The following FBXL20 variants were observed in gnomAD, a reference collection of about 807,000 sequenced individuals.
FBXL20 encodes the protein F-box/LRR-repeat protein 20.
Under a neutral mutation model 64.0 loss-of-function variants are expected in FBXL20, and 11 were observed. The ratio of observed to expected loss-of-function variants is 0.17; its 90% CI spans 0.11 to 0.28. The LOEUF (loss-of-function observed/expected upper bound fraction) is 0.28, where lower values mean the gene tolerates loss of function less well. Ranked by LOEUF, FBXL20 falls within the 10% of genes least tolerant of loss-of-function variation. The pLI, the probability that FBXL20 is intolerant of heterozygous loss-of-function variation, is 1.00. For missense variants in FBXL20, 303 were observed against 526.2 expected, an observed-to-expected ratio of 0.58 and a Z score of 4.15; for synonymous variants, 184 against 189.0, an observed-to-expected ratio of 0.97 and a Z score of 0.22.
chr17:39,305,085 T>G (rs958528000), intron 2 of FBXL20, among the ~76,000 whole-genome samples: 1 of 151,998 alleles, frequency 6.6e-6, no homozygotes, highest in Non-Finnish European at 1.5e-5. Flanking sequence ...TAATGAAGTA[T>G]TTTACAGTTA....
intron 2 of FBXL20, among the ~76,000 whole-genome samples, chr17:39,317,701 G>GT (rs1238194174): frequency 0.13 from 5,849 of 44,244 alleles, 597 homozygotes; most frequent in Non-Finnish European, 0.19. Context: ...TTTTTTTTTT[G>GT]TTTTTTTTTT....
chr17:39,369,126 A>G (rs1177572163), intron 1 of FBXL20, among the ~76,000 whole-genome samples: 1 of 152,208 alleles, frequency 6.6e-6, no homozygotes, highest in Non-Finnish European at 1.5e-5. Flanking sequence ...TGTTTAACCA[A>G]AAGTACTATG....
At chr17:39,385,094 T>A (rs80151692) in intron 1 of FBXL20, among the ~76,000 whole-genome samples, 107 of 152,338 alleles carry the variant, frequency 7.0e-4, no homozygotes, top group African/African-American at 2.5e-3. Flanking sequence ...TGGTGGTGCA[T>A]GCCTGTAGTC....
In FBXL20 at chr17:39,295,640, C is replaced by T. The variant is rs148951959; in HGVS notation, c.398+1487G>A. Among the ~76,000 whole-genome samples the T allele has an allele frequency of 9.3e-3, 1,412 of 152,126 alleles. 29 individuals carry two copies. Among genetic ancestry groups the T allele is most frequent in the African/African-American group, 0.032 (1,335 of 41,488 alleles). On this transcript the variant is annotated intron_variant, in intron 6 of 14. Coordinates refer to ENST00000264658, the MANE Select transcript of FBXL20 (RefSeq NM_032875.3). Reference sequence around the variant, plus strand: ...TGAATTATGTAAAATATTTACATGGCTATTAAACGATAAAACATAATTCAG... The same window carrying T: ...TGAATTATGTAAAATATTTACATGGTTATTAAACGATAAAACATAATTCAG...
chr17:39,328,757 A>C (rs2047433365), intron 2 of FBXL20, among the ~76,000 whole-genome samples: 1 of 152,182 alleles, frequency 6.6e-6, no homozygotes, highest in African/African-American at 2.4e-5. Context: ...GAAACAAGAT[A>C]TTTACAATGT....
At chr17:39,273,734 C>T (rs761600579) in intron 10 of FBXL20, among the ~76,000 whole-genome samples, 13 of 150,956 alleles carry the variant, frequency 8.6e-5, no homozygotes, top group African/African-American at 1.2e-4. Context: ...GCAGGTTAAT[C>T]GCTTGAACCC....
chr17:39,351,901 A>T (rs968016864), intron 1 of FBXL20, among the ~76,000 whole-genome samples: 6 of 152,240 alleles, frequency 3.9e-5, no homozygotes, highest in African/African-American at 1.4e-4. Flanking sequence ...TATATACAAT[A>T]ATATACTGTT....
intron 1 of FBXL20, among the ~76,000 whole-genome samples, chr17:39,389,104 C>CAAAA (rs752930971): frequency 3.7e-3 from 196 of 52,594 alleles, no homozygotes; most frequent in African/African-American, 4.5e-3. Context: ...AACTCCATCT[C>CAAAA]AAAAAAAAAA....
At chr17:39,389,104 CAAAAAAAAAAAAAA>C (rs752930971) in intron 1 of FBXL20, among the ~76,000 whole-genome samples, 5 of 52,708 alleles carry the variant, frequency 9.5e-5, no homozygotes, top group African/African-American at 2.5e-4. Context: ...AACTCCATCT[CAAAAAAAAAAAAAA>C]AAAAAAAAAA....
At chr17:39,339,925 C>A (rs1265995138) in intron 2 of FBXL20, among the ~76,000 whole-genome samples, 1 of 152,030 alleles carries the variant, frequency 6.6e-6, no homozygotes. Flanking sequence ...GGATTACAGG[C>A]ATGAGCCACC....
At chr17:39,308,897 A>AAT (rs2047207325) in intron 2 of FBXL20, among the ~76,000 whole-genome samples, 1 of 151,852 alleles carries the variant, frequency 6.6e-6, no homozygotes, top group South Asian at 2.1e-4. Flanking sequence ...GGTAGAGAGG[A>AAT]ATACACCCAT....
At chr17:39,352,300 G>T (rs185907857) in intron 1 of FBXL20, among the ~76,000 whole-genome samples, 31 of 152,120 alleles carry the variant, frequency 2.0e-4, no homozygotes, top group Non-Finnish European at 3.8e-4. Context: ...TAGGCTGAAG[G>T]GGAGTATCGC....
chr17:39,350,876 G>C (rs1204326149), intron 1 of FBXL20, among the ~76,000 whole-genome samples: 2 of 152,128 alleles, frequency 1.3e-5, no homozygotes, highest in Non-Finnish European at 2.9e-5. Flanking sequence ...GGGCAGGAGA[G>C]AAAATGGTGG....
At chr17:39,323,901 G>C (rs900370081) in intron 2 of FBXL20, among the ~76,000 whole-genome samples, 12 of 151,592 alleles carry the variant, frequency 7.9e-5, no homozygotes, top group African/African-American at 2.9e-4. Flanking sequence ...GAGTAGCTGG[G>C]ATTACAGGCA....
chr17:39,316,315 A>T (rs1384020033), intron 2 of FBXL20, among the ~76,000 whole-genome samples: 1 of 151,384 alleles, frequency 6.6e-6, no homozygotes, highest in Non-Finnish European at 1.5e-5. Context: ...ACACACACAC[A>T]TTTTTTTCTT....
At chr17:39,291,123 G>A (rs575025112) in intron 6 of FBXL20, among the ~76,000 whole-genome samples, 135 of 151,890 alleles carry the variant, frequency 8.9e-4, no homozygotes, top group African/African-American at 2.8e-3. Context: ...CACCACGCCC[G>A]GCTAACTTTT....
At chr17:39,280,879 T>G (rs909606786) in intron 9 of FBXL20, among the ~76,000 whole-genome samples, 1 of 152,114 alleles carries the variant, frequency 6.6e-6, no homozygotes, top group Non-Finnish European at 1.5e-5. Context: ...TCTTCCCACC[T>G]CAGCCTCCCA....
Position 39,270,800 on chromosome 17 carries a change from G to C in FBXL20, c.884C>G (p.Ala295Gly). The C allele has an allele frequency of 1.2e-6, 2 of 1,608,578 alleles. No homozygotes were observed. The highest frequency in any genetic ancestry group is 8.5e-7 in the Non-Finnish European group (1 of 1,177,912). Reference protein sequence around the residue: ...QLTDVGFTTLARNCHELEKMD... With the variant: ...QLTDVGFTTLGRNCHELEKMD... ...GAACCTAAAGAAAATACTTACCCTG[G>C]CTAGAGTGGTAAAGCCCACATCTGT... The change falls in exon 11 of 15, where the codon GCC becomes GGC. Residue 295 changes from alanine to glycine, a missense_variant. This residue lies in a region of FBXL20 where 246 missense variants were observed against 422.6 expected (regional missense o/e 0.58). Coordinates refer to ENST00000264658, the MANE Select transcript of FBXL20 (RefSeq NM_032875.3).
chr17:39,298,019 G>A (rs1199793347), intron 5 of FBXL20, among the ~76,000 whole-genome samples: 3 of 151,970 alleles, frequency 2.0e-5, no homozygotes, highest in African/African-American at 4.8e-5. Context: ...TTACAGGCTT[G>A]GGCTATCACA....
Sources: allele counts gnomAD v4.1 joint callset (sites outside exome capture counted in the v4.1 genomes callset), GRCh38; gene constraint gnomAD v4.1.1; regional missense constraint gnomAD v4.1.1; transcripts MANE v1.5; gene names NCBI Gene and HGNC (gene_info 2026-07-23, HGNC 2026-07-21).